CDC73: variants seen among roughly 807,000 people sequenced by gnomAD.
The protein encoded by CDC73 is parafibromin.
CDC73 carries 21 observed loss-of-function variants against 83.7 expected under a neutral mutation model. That is an observed-to-expected ratio of 0.25 (90% CI 0.18 to 0.36). The LOEUF (loss-of-function observed/expected upper bound fraction) is 0.36. Ranked by LOEUF, CDC73 falls within the 10% of genes least tolerant of loss-of-function variation. CDC73 has a pLI of 1.00. For missense variants in CDC73, 342 were observed against 653.3 expected (o/e 0.52, Z 5.19); for synonymous variants, 224 against 212.9 (o/e 1.05, Z -0.45).
chr1:193,155,137 C>A (rs748695930), intron 10 of CDC73, among the ~76,000 whole-genome samples: 9 of 151,944 alleles, frequency 5.9e-5, no homozygotes, highest in Non-Finnish European at 1.0e-4. Context: ...AGATAATTTC[C>A]TATATATATA....
chr1:193,136,433 TG>T, intron 5 of CDC73: 1 of 239,204 alleles, frequency 4.2e-6, no homozygotes, highest in Non-Finnish European at 9.7e-6. Context: ...TGATGATAAT[TG>T]ATTCATTGTT....
intron 10 of CDC73, among the ~76,000 whole-genome samples, chr1:193,167,246 T>A (rs1334289108): frequency 6.6e-6 from 1 of 152,166 alleles, no homozygotes; most frequent in Non-Finnish European, 1.5e-5. Flanking sequence ...TCTTAATAGA[T>A]TCCCCTTCAG....
At chr1:193,155,971 G>A (rs1676200653) in intron 10 of CDC73, among the ~76,000 whole-genome samples, 1 of 152,172 alleles carries the variant, frequency 6.6e-6, no homozygotes, top group Admixed American at 6.6e-5. Context: ...ATCAGGTTAA[G>A]TAAAGCTATC....
At chr1:193,165,739 A>G (rs963823473) in intron 10 of CDC73, among the ~76,000 whole-genome samples, 1 of 152,190 alleles carries the variant, frequency 6.6e-6, no homozygotes, top group Non-Finnish European at 1.5e-5. Flanking sequence ...ATGCATTCGT[A>G]TCTCTCTCTC....
intron 13 of CDC73, among the ~76,000 whole-genome samples, chr1:193,225,985 G>A (rs141088515): frequency 2.0e-5 from 3 of 152,052 alleles, no homozygotes; most frequent in East Asian, 1.9e-4. Context: ...TGCCTAAGCC[G>A]GTGTCTAGAA....
At chr1:193,187,395 A>G (rs182654357) in intron 10 of CDC73, among the ~76,000 whole-genome samples, 16 of 152,282 alleles carry the variant, frequency 1.1e-4, no homozygotes, top group Middle Eastern at 3.4e-3. Flanking sequence ...TACTTATTCT[A>G]ATGTTTCAGA....
chr1:193,178,546 G>A (rs1235056241), intron 10 of CDC73, among the ~76,000 whole-genome samples: 1 of 152,146 alleles, frequency 6.6e-6, no homozygotes, highest in Admixed American at 6.5e-5. Flanking sequence ...GCATAAATCA[G>A]CATTATTCTA....
intron 10 of CDC73, among the ~76,000 whole-genome samples, chr1:193,170,006 T>C (rs778533757): frequency 7.2e-5 from 11 of 152,204 alleles, no homozygotes; most frequent in Non-Finnish European, 1.3e-4. Flanking sequence ...TATCTGTGTA[T>C]TATCATCATT....
intron 10 of CDC73, among the ~76,000 whole-genome samples, chr1:193,191,099 A>G (rs1357030556): frequency 1.3e-5 from 2 of 152,168 alleles, no homozygotes; most frequent in African/African-American, 4.8e-5. Flanking sequence ...AACATAAAGT[A>G]TATTTTGTTC....
At chr1:193,163,176 T>G (rs28441088) in intron 10 of CDC73, among the ~76,000 whole-genome samples, 5 of 149,346 alleles carry the variant, frequency 3.3e-5, no homozygotes, top group African/African-American at 7.6e-5. Flanking sequence ...TGTGTGTGTG[T>G]GGGTGTGTGT....
At chr1:193,199,483 G>A (rs1478622604) in intron 10 of CDC73, among the ~76,000 whole-genome samples, 2 of 151,952 alleles carry the variant, frequency 1.3e-5, no homozygotes, top group African/African-American at 2.4e-5. Flanking sequence ...AGGCAGAGGC[G>A]GGTGGGTCAC....
intron 10 of CDC73, among the ~76,000 whole-genome samples, chr1:193,199,053 G>A (rs1346702573): frequency 6.6e-6 from 1 of 152,122 alleles, no homozygotes; most frequent in Non-Finnish European, 1.5e-5. Flanking sequence ...TATTTAAAGG[G>A]AGGGAAGTAC....
At chr1:193,175,690 ATTAC>A (rs1002277653) in intron 10 of CDC73, among the ~76,000 whole-genome samples, 4 of 152,334 alleles carry the variant, frequency 2.6e-5, no homozygotes, top group African/African-American at 9.6e-5. Context: ...TAATCTAGAG[ATTAC>A]TTAAAGTATG....
chr1:193,138,227 A>T, intron 6 of CDC73, 54 bp downstream of exon 6: 1 of 1,139,932 alleles, frequency 8.8e-7, no homozygotes, highest in African/African-American at 1.5e-5. Context: ...GTAAAAGTAT[A>T]AGGAAAAGGA....
At chr1:193,240,626 T>TA (rs1340384084) in intron 15 of CDC73, among the ~76,000 whole-genome samples, 1 of 152,218 alleles carries the variant, frequency 6.6e-6, no homozygotes, top group African/African-American at 2.4e-5. Context: ...CATTTTTTCA[T>TA]ATATTTGTTT....
At chr1:193,189,508 C>T (rs1340654952) in intron 10 of CDC73, among the ~76,000 whole-genome samples, 1 of 152,142 alleles carries the variant, frequency 6.6e-6, no homozygotes, top group African/African-American at 2.4e-5. Flanking sequence ...TCAGATTCAG[C>T]AAACTGGCAG....
Position 193,239,213 on chromosome 1 carries a change from A to G in CDC73, c.1417+2857A>G, listed in dbSNP as rs184107620. On this transcript the variant is annotated intron_variant, in intron 15 of 16. Coordinates refer to ENST00000367435, the MANE Select transcript of CDC73 (RefSeq NM_024529.5). ...GTTTTACTCTCTTCCTTATTCCTCA[A>G]ACTATTTCTTATTATCTGTTAGTCC... Among the ~76,000 whole-genome samples the G allele has an allele frequency of 1.8e-3, 271 of 152,210 alleles. 1 individual carries two copies. The highest frequency in any genetic ancestry group is 4.4e-3 in the Admixed American group (67 of 15,292).
At chr1:193,215,598 T>G (rs1677353927) in intron 13 of CDC73, among the ~76,000 whole-genome samples, 1 of 152,060 alleles carries the variant, frequency 6.6e-6, no homozygotes, top group Non-Finnish European at 1.5e-5. Context: ...ACAGGTTTTT[T>G]TTTTTTTTTG....
At chr1:193,204,739 A>G (rs1398394906) in intron 11 of CDC73, among the ~76,000 whole-genome samples, 1 of 152,190 alleles carries the variant, frequency 6.6e-6, no homozygotes, top group Non-Finnish European at 1.5e-5. Context: ...GAAAATTTTT[A>G]AGAAAATGTT....
Sources: gnomAD v4.1 joint callset for allele counts (sites outside exome capture counted in the v4.1 genomes callset) on GRCh38, gnomAD v4.1.1 for gene constraint, MANE v1.5 for transcripts, NCBI Gene and HGNC (gene_info 2026-07-23, HGNC 2026-07-21) for gene names.